Variants in TNKS2 observed in about 807,000 individuals in gnomAD.
The protein encoded by TNKS2 is poly [ADP-ribose] polymerase tankyrase-2.
A neutral mutation model predicts 137.6 loss-of-function variants in TNKS2; 72 were observed. That is an observed-to-expected ratio of 0.52 (90% CI 0.43 to 0.64). The LOEUF is 0.64. Among genes scored for constraint, TNKS2 ranks in the 30% least tolerant of loss-of-function variants. The pLI, the probability that TNKS2 is intolerant of heterozygous loss-of-function variation, is 0.00. For missense variants in TNKS2, 1,049 were observed against 1,410.2 expected, an observed-to-expected ratio of 0.74 and a Z score of 4.10; for synonymous variants, 516 against 512.1, an observed-to-expected ratio of 1.01 and a Z score of -0.10.
In TNKS2 at chr10:91,849,531, C is replaced by T; in HGVS notation, c.2631C>T (p.Ser877=). 6.2e-7 allele frequency: 1 copy of T among 1,611,358 alleles called. No individual in the cohort carries two copies. The highest frequency in any genetic ancestry group is 8.5e-7 in the Non-Finnish European group (1 of 1,179,120). Residue 877 remains serine, a synonymous_variant, in exon 20 of 27, where the codon AGC becomes AGT. Coordinates refer to ENST00000371627, the MANE Select transcript of TNKS2 (RefSeq NM_025235.4). ...EKKEVPGVDF[S]ITQFVRNLGL... Reference sequence around the variant, plus strand: ...TCCCAGTTCCAGGAGTAGATTTTAGCATAACTCAATTCGTAAGGAATCTTG... The same window carrying T: ...TCCCAGTTCCAGGAGTAGATTTTAGTATAACTCAATTCGTAAGGAATCTTG...
chr10:91,856,215 T>G (rs1444618705), intron 23 of TNKS2, among the ~76,000 whole-genome samples: 2 of 152,238 alleles, frequency 1.3e-5, no homozygotes, highest in African/African-American at 4.8e-5. Flanking sequence ...GTTACTCTTC[T>G]TAGGAACTTT....
intron 7 of TNKS2, among the ~76,000 whole-genome samples, chr10:91,822,745 A>G (rs908337270): frequency 6.6e-5 from 10 of 151,756 alleles, no homozygotes; most frequent in Admixed American, 5.3e-4. Flanking sequence ...TTTGTTAGAG[A>G]TGGAGTTTCA....
At chr10:91,846,640 A>T (rs1379699947) in intron 18 of TNKS2, among the ~76,000 whole-genome samples, 1 of 151,602 alleles carries the variant, frequency 6.6e-6, no homozygotes, top group African/African-American at 2.4e-5. Flanking sequence ...AGGAAGGGGA[A>T]TCTTTTCTGC....
At chr10:91,810,398 C>CCA (rs1844458437) in intron 1 of TNKS2, among the ~76,000 whole-genome samples, 1 of 151,270 alleles carries the variant, frequency 6.6e-6, no homozygotes, top group Non-Finnish European at 1.5e-5. Context: ...ACAACAACAA[C>CCA]AAAAAAAACC....
chr10:91,812,937 T>C (rs764047812), intron 1 of TNKS2, 46 bp from the exon 2 acceptor site: 8 of 1,599,462 alleles, frequency 5.0e-6, no homozygotes, highest in South Asian at 2.2e-5. Context: ...TAATTTGATA[T>C]CTTTTCCTTG....
In TNKS2 at chr10:91,807,204, C is replaced by T; in HGVS notation, c.200-5779C>T. 3.1e-6 allele frequency: 5 copies of T among 1,606,340 alleles called. No homozygotes were observed. The South Asian group carries it at 4.4e-5, about 14-fold the overall frequency. On this transcript the variant is annotated intron_variant, in intron 1 of 26. Coordinates refer to ENST00000371627, the MANE Select transcript of TNKS2 (RefSeq NM_025235.4). ...TCACTCAGTTTCCATGGTAACATTGCGGGCTTCCTTGGCTACCATAAGTCG... is the reference window on the plus strand; with the variant it reads ...TCACTCAGTTTCCATGGTAACATTGTGGGCTTCCTTGGCTACCATAAGTCG...
chr10:91,848,787 T>G (rs1055497363), intron 19 of TNKS2, 152 bp downstream of exon 19: 5 of 838,586 alleles, frequency 6.0e-6, no homozygotes, highest in Non-Finnish European at 9.1e-6. Context: ...TTGTATTACT[T>G]TCTTCCTTCC....
intron 1 of TNKS2, chr10:91,807,485 C>T (rs1356811585): frequency 3.8e-6 from 6 of 1,561,590 alleles, no homozygotes; most frequent in East Asian, 2.2e-5. Flanking sequence ...CCTCAGAACC[C>T]GGCCCAACAA....
rs113352551 is a variant in TNKS2 at position 91,851,060 on chromosome 10, C to T, written c.2695-156C>T. ...TGCCTTTTTGTTTTGCGTTTTAGTT[C>T]TGCTCAGGTTCTTATGCTAAATGGA... is the stretch of plus-strand genomic sequence containing the variant. On this transcript the variant is annotated intron_variant, in intron 20 of 26. Coordinates refer to ENST00000371627, the MANE Select transcript of TNKS2 (RefSeq NM_025235.4). Among the ~76,000 whole-genome samples the T allele has an allele frequency of 5.7e-3, 861 of 152,290 alleles. 9 individuals carry two copies. Among genetic ancestry groups the T allele is most frequent in the African/African-American group, 0.019 (797 of 41,566 alleles).
intron 2 of TNKS2, among the ~76,000 whole-genome samples, chr10:91,815,945 TC>T (rs1844678142): frequency 2.0e-5 from 2 of 99,570 alleles, no homozygotes; most frequent in East Asian, 3.7e-4. Flanking sequence ...CACAAGACTT[TC>T]TCTTTTTTTT....
intron 2 of TNKS2, among the ~76,000 whole-genome samples, chr10:91,813,973 T>C (rs1011861488): frequency 1.3e-5 from 2 of 152,188 alleles, no homozygotes; most frequent in Non-Finnish European, 2.9e-5. Context: ...AATAACCAAC[T>C]TTGTTACTGG....
intron 1 of TNKS2, among the ~76,000 whole-genome samples, chr10:91,801,204 T>G (rs2133580549): frequency 6.6e-6 from 1 of 152,316 alleles, no homozygotes; most frequent in South Asian, 2.1e-4. Flanking sequence ...TTGCTTTAAT[T>G]TCATCCCCAA....
chr10:91,845,009 A>G lies in TNKS2; in HGVS notation c.2150A>G (p.His717Arg). Residue 717 changes from histidine (H) to arginine (R), a missense_variant, in exon 17 of 27, where the codon CAT becomes CGT. By Grantham distance (29) the His-to-Arg change is conservative. Transcript: ENST00000371627. ...GACAAAGGAGGACTTATTCCTTTACATAATGCAGCATCTTACGGGGTAAGT... is the reference window on the plus strand; with the variant it reads ...GACAAAGGAGGACTTATTCCTTTACGTAATGCAGCATCTTACGGGGTAAGT... ...AQDKGGLIPL[H>R]NAASYGHVDV... is the part of the protein sequence containing the mutation. 1.9e-6 allele frequency: 3 copies of G among 1,610,588 alleles called. No homozygotes were observed. Among genetic ancestry groups the G allele is most frequent in the Non-Finnish European group, 2.5e-6 (3 of 1,177,384 alleles).
rs1459625602 is a variant in TNKS2, at chr10:91,813,092, T to C, written c.309T>C (p.His103=). The part of the protein sequence containing the change: ...IPLHNACSFG[H]AEVVNLLLRH... ...TTCATAATGCATGCTCTTTTGGTCA[T>C]GCTGAAGTAGTCAATCTCCTTTTGC... Residue 103 remains histidine, a synonymous_variant, in exon 2 of 27, where the codon CAT becomes CAC. Transcript: ENST00000371627. The C allele has an allele frequency of 6.2e-7, 1 of 1,614,212 alleles. No individual in the cohort carries two copies. Among genetic ancestry groups the C allele is most frequent in the Admixed American group, 1.7e-5 (1 of 60,026 alleles).
intron 2 of TNKS2, among the ~76,000 whole-genome samples, chr10:91,816,499 T>C (rs1315936573): frequency 1.3e-5 from 2 of 152,182 alleles, no homozygotes; most frequent in African/African-American, 4.8e-5. Context: ...CTCTTTACCT[T>C]GCACCTTACA....
intron 12 of TNKS2, among the ~76,000 whole-genome samples, chr10:91,836,378 A>C (rs936915579): frequency 6.6e-6 from 1 of 152,074 alleles, no homozygotes; most frequent in African/African-American, 2.4e-5. Flanking sequence ...CTTTGTTCTA[A>C]GGTGCAAGGT....
At chr10:91,849,797 G>A (rs989252176) in intron 20 of TNKS2, among the ~76,000 whole-genome samples, 2 of 152,144 alleles carry the variant, frequency 1.3e-5, no homozygotes, top group Non-Finnish European at 2.9e-5. Flanking sequence ...AGTAGTAATG[G>A]TAAAGTAGCT....
intron 16 of TNKS2, among the ~76,000 whole-genome samples, chr10:91,842,984 G>A (rs923479611): frequency 9.2e-5 from 14 of 151,962 alleles, no homozygotes; most frequent in African/African-American, 2.4e-4. Flanking sequence ...CATTTTATTG[G>A]TATCACCTTT....
intron 25 of TNKS2, among the ~76,000 whole-genome samples, chr10:91,859,967 T>G (rs955742152): frequency 5.3e-5 from 8 of 152,206 alleles, no homozygotes; most frequent in African/African-American, 1.9e-4. Flanking sequence ...TAGGACTCTG[T>G]GGACTCTAAA....
Sources: allele counts gnomAD v4.1 joint callset (sites outside exome capture counted in the v4.1 genomes callset), GRCh38; gene constraint gnomAD v4.1.1; transcripts MANE v1.5; gene names NCBI Gene and HGNC (gene_info 2026-07-23, HGNC 2026-07-21).